The following GPR158 variants were observed in gnomAD, a reference collection of about 807,000 sequenced individuals.
GPR158 encodes G protein-coupled receptor 158.
In GPR158, 30 loss-of-function variants were observed where a neutral mutation model predicts 78.2. That is an observed-to-expected ratio of 0.38 (90% confidence interval 0.29 to 0.52). The LOEUF (loss-of-function observed/expected upper bound fraction) is 0.52. Ranked by LOEUF, GPR158 falls within the 20% of genes least tolerant of loss-of-function variation. The pLI is 0.83. For synonymous variants in GPR158, 581 were observed against 591.1 expected (o/e 0.98, Z 0.25); for missense variants, 1,463 against 1,523.5 (o/e 0.96, Z 0.66).
rs116299271 is a variant in GPR158 at position 25,175,746 on chromosome 10, C to T, written c.326C>T (p.Pro109Leu). Residue 109 changes from proline to leucine, a missense_variant, in exon 1 of 11, where the codon CCG (proline) becomes CTG (leucine). By Grantham distance (98) the Pro-to-Leu change is moderately conservative. Transcript: ENST00000376351. This position sits in a 1 kb window ranked among gnomAD's most constrained non-coding sequence, Gnocchi z 6.4. ...CSGRYELAGL[P>L]GKWPALASAH... is the part of the protein sequence containing the mutation. ...GGCCGCTACGAGTTGGCGGGCCTGC[C>T]GGGGAAGTGGCCAGCCCTGGCCAGC... 1,388 of 1,611,436 alleles carry T rather than the reference C, an allele frequency of 8.6e-4. 9 individuals are homozygous for T. The African/African-American group carries it at 0.014, about 17-fold the overall frequency.
chr10:25,221,789 T>C (rs891008635), intron 2 of GPR158, among the ~76,000 whole-genome samples: 2 of 152,226 alleles, frequency 1.3e-5, no homozygotes, highest in Admixed American at 6.5e-5. Context: ...GATGACATAC[T>C]AGTGATTTCA....
intron 7 of GPR158, among the ~76,000 whole-genome samples, chr10:25,575,002 G>A (rs1020335204): frequency 1.3e-5 from 2 of 150,816 alleles, no homozygotes; most frequent in Non-Finnish European, 2.9e-5. Context: ...GGAAGGTGGA[G>A]ATTGCAGTGA....
rs530303495 is a variant in GPR158, at chr10:25,585,739, T to C, written c.1754-3268T>C. On this transcript the variant is annotated intron_variant, in intron 7 of 10. Transcript: ENST00000376351. ...CACGCCTGTAATCCCAGCACTTTGG[T>C]AGGCCAAGGTGAGTGGATTGCTTGA... 3.9e-5 allele frequency among the ~76,000 whole-genome samples: 6 copies of C among 152,224 alleles called. No homozygotes were observed. The South Asian group carries it at 1.0e-3, about 26-fold the overall frequency.
chr10:25,565,077 A>T (rs1349298562), intron 6 of GPR158, among the ~76,000 whole-genome samples: 1 of 152,234 alleles, frequency 6.6e-6, no homozygotes, highest in East Asian at 1.9e-4. Flanking sequence ...TGTTATCAAA[A>T]TTCTTCCAAA....
intron 2 of GPR158, among the ~76,000 whole-genome samples, chr10:25,254,227 C>A (rs1853862221): frequency 6.6e-6 from 1 of 152,042 alleles, no homozygotes; most frequent in Non-Finnish European, 1.5e-5. Flanking sequence ...ATTTCTTTTT[C>A]TTTTCTTATT....
rs143696360 is a variant in GPR158 at position 25,175,618 on chromosome 10, T to G, written c.198T>G (p.Asp66Glu). 3.5e-5 allele frequency: 57 copies of G among 1,611,004 alleles called. No individual in the cohort carries two copies. The highest frequency in any genetic ancestry group is 4.8e-5 in the Non-Finnish European group (57 of 1,179,894). ...DSSAPWSRST[D>E]GTILAQKLAE... The stretch of plus-strand genomic sequence containing the variant: ...CGGCTCCCTGGAGCCGCTCCACCGA[T>G]GGCACCATCTTGGCGCAGAAACTCG... Residue 66 changes from aspartate to glutamate, a missense_variant, in exon 1 of 11, where the codon GAT (aspartate) becomes GAG (glutamate). Asp to Glu is a conservative substitution (Grantham distance 45, BLOSUM62 2). Transcript: ENST00000376351. This position sits in a 1 kb window ranked among gnomAD's most constrained non-coding sequence, Gnocchi z 6.4.
intron 2 of GPR158, among the ~76,000 whole-genome samples, chr10:25,238,345 A>ACC (rs2130703115): frequency 6.6e-6 from 1 of 152,334 alleles, no homozygotes; most frequent in East Asian, 1.9e-4. Context: ...ACCGCATAAT[A>ACC]CCTGGGAGTC....
intron 5 of GPR158, among the ~76,000 whole-genome samples, chr10:25,536,871 T>C (rs182343793): frequency 1.1e-4 from 16 of 152,298 alleles, no homozygotes; most frequent in Admixed American, 9.2e-4. Context: ...TTGTCAGAAA[T>C]GCATCATCTT....
At position 25,599,214 on chromosome 10, in the gene GPR158, A is replaced by C; in HGVS notation, c.3588A>C (p.Leu1196=). Residue 1196 remains leucine, a synonymous_variant, in exon 11 of 11, where the codon CTA becomes CTC. Transcript: ENST00000376351. ...RSVALPASSA[L]SANKIAGPRK... is the part of the protein sequence containing the mutation. ...TAGCTTTACCTGCCTCTTCTGCTCT[A>C]AGTGCAAATAAGATAGCAGGGCCTA... 1 of 1,612,468 alleles carries C rather than the reference A, an allele frequency of 6.2e-7. No individual in the cohort carries two copies. The highest frequency in any genetic ancestry group is 1.3e-5 in the African/African-American group (1 of 75,034).
At chr10:25,594,198 T>G in intron 8 of GPR158, 94 bp from the exon 9 acceptor site, 1 of 719,738 alleles carries the variant, frequency 1.4e-6, no homozygotes, top group Non-Finnish European at 2.5e-6. Flanking sequence ...TTTCTTATTT[T>G]AATACAATGA....
intron 5 of GPR158, among the ~76,000 whole-genome samples, chr10:25,469,833 C>T (rs184399177): frequency 4.0e-5 from 6 of 150,834 alleles, no homozygotes; most frequent in Admixed American, 1.3e-4. Flanking sequence ...TCTAATGAGC[C>T]CCCCCCAACA....
At chr10:25,444,731 T>C (rs759602232) in intron 4 of GPR158, among the ~76,000 whole-genome samples, 160 of 152,236 alleles carry the variant, frequency 1.1e-3, no homozygotes, top group Non-Finnish European at 6.8e-4. Flanking sequence ...TACTTGCTTC[T>C]AATCTTAAGT....
chr10:25,495,525 C>A (rs902845382), intron 5 of GPR158, among the ~76,000 whole-genome samples: 9 of 151,874 alleles, frequency 5.9e-5, no homozygotes, highest in African/African-American at 1.9e-4. Flanking sequence ...ATCTCCTGAC[C>A]TCGTGATCCA....
At chr10:25,571,547 G>A (rs551365191) in intron 6 of GPR158, among the ~76,000 whole-genome samples, 71 of 152,256 alleles carry the variant, frequency 4.7e-4, no homozygotes, top group South Asian at 2.5e-3. Flanking sequence ...TTATTTTTAT[G>A]CTTTATGGAA....
intron 2 of GPR158, among the ~76,000 whole-genome samples, chr10:25,363,577 TG>T (rs1182700986): frequency 6.6e-6 from 1 of 151,894 alleles, no homozygotes; most frequent in Non-Finnish European, 1.5e-5. Flanking sequence ...AGCTGGTGGC[TG>T]GGAAAGATTT....
At chr10:25,237,218 G>C (rs1456348107) in intron 2 of GPR158, among the ~76,000 whole-genome samples, 1 of 152,118 alleles carries the variant, frequency 6.6e-6, no homozygotes, top group African/African-American at 2.4e-5. Context: ...TAGTTTACCA[G>C]GTAATCTCAT....
chr10:25,228,500 G>C (rs913828841), intron 2 of GPR158, among the ~76,000 whole-genome samples: 1 of 152,036 alleles, frequency 6.6e-6, no homozygotes, highest in African/African-American at 2.4e-5. Flanking sequence ...TTCATTCCTT[G>C]ATGTAGAATG....
rs895368818 is a variant in GPR158 at position 25,297,260 on chromosome 10, G to A, written c.1008+76103G>A. 7.9e-5 allele frequency among the ~76,000 whole-genome samples: 12 copies of A among 152,178 alleles called. 1 individual carries two copies. The highest frequency in any genetic ancestry group is 7.9e-4 in the Admixed American group (12 of 15,278). ...TTTCTCAGTCTCTCTGAGCCTCAGTGTCTTGATTTGTAAAGTGAGAAGTTT... is the reference window on the plus strand; with the variant it reads ...TTTCTCAGTCTCTCTGAGCCTCAGTATCTTGATTTGTAAAGTGAGAAGTTT... On this transcript the variant is annotated intron_variant, in intron 2 of 10. Transcript: ENST00000376351.
At chr10:25,488,807 A>C (rs2130644688) in intron 5 of GPR158, among the ~76,000 whole-genome samples, 1 of 152,156 alleles carries the variant, frequency 6.6e-6, no homozygotes, top group African/African-American at 2.4e-5. Flanking sequence ...ATTTTCATAT[A>C]TTGTTTTTTT....
Sources: allele counts gnomAD v4.1 joint callset (sites outside exome capture counted in the v4.1 genomes callset), GRCh38; gene constraint gnomAD v4.1.1; non-coding constraint Gnocchi (gnomAD v3.1); transcripts MANE v1.5; gene names NCBI Gene and HGNC (gene_info 2026-07-23, HGNC 2026-07-21).